CPQ: variants seen among roughly 807,000 people sequenced by gnomAD.
CPQ encodes Ser-Met dipeptidase.
A neutral mutation model predicts 45.7 loss-of-function variants in CPQ; 37 were observed. The observed-to-expected ratio is 0.81, with a 90% CI of 0.62 to 1.07. The LOEUF is 1.07. Ranked by LOEUF, CPQ falls within the 50% of genes least tolerant of loss-of-function variation. The pLI is 0.00. For missense variants in CPQ, 537 were observed against 572.9 expected (o/e 0.94, Z 0.64); for synonymous variants, 186 against 205.8 (o/e 0.90, Z 0.82).
chr8:96,952,966 A>G (rs1227954968), intron 4 of CPQ, among the ~76,000 whole-genome samples: 1 of 152,130 alleles, frequency 6.6e-6, no homozygotes, highest in Non-Finnish European at 1.5e-5. Context: ...GGAAGTTGTC[A>G]ATACAGCATA....
intron 1 of CPQ, among the ~76,000 whole-genome samples, chr8:96,737,334 AC>A (rs1809998226): frequency 8.3e-6 from 1 of 120,508 alleles, no homozygotes; most frequent in African/African-American, 2.7e-5. Flanking sequence ...ATATACACAC[AC>A]TCACACAGAA....
chr8:96,658,130 C>A, intron 1 of CPQ, among the ~76,000 whole-genome samples: 1 of 152,138 alleles, frequency 6.6e-6, no homozygotes, highest in Admixed American at 6.5e-5. Flanking sequence ...TAAAGAAAAT[C>A]AGGGACCAAA....
At chr8:96,682,880 G>A (rs1350702771) in intron 1 of CPQ, among the ~76,000 whole-genome samples, 1 of 152,108 alleles carries the variant, frequency 6.6e-6, no homozygotes, top group Non-Finnish European at 1.5e-5. Context: ...ATTGGGTCAT[G>A]CTTTTTATCC....
chr8:96,660,554 A>G (rs2130711621), intron 1 of CPQ, among the ~76,000 whole-genome samples: 1 of 152,292 alleles, frequency 6.6e-6, no homozygotes, highest in East Asian at 1.9e-4. Flanking sequence ...AGGAAGATTT[A>G]GAAAATACTG....
intron 5 of CPQ, among the ~76,000 whole-genome samples, chr8:96,970,385 T>C (rs1050207237): frequency 6.6e-6 from 1 of 152,164 alleles, no homozygotes; most frequent in African/African-American, 2.4e-5. Flanking sequence ...TGCTAAGCAC[T>C]CCACTGAGTA....
At chr8:96,731,619 A>G (rs1809914069) in intron 1 of CPQ, among the ~76,000 whole-genome samples, 1 of 152,150 alleles carries the variant, frequency 6.6e-6, no homozygotes, top group Non-Finnish European at 1.5e-5. Context: ...ATGCTCTATA[A>G]TTCAGATAAA....
intron 4 of CPQ, among the ~76,000 whole-genome samples, chr8:96,944,171 G>A (rs1813158934): frequency 6.6e-6 from 1 of 151,890 alleles, no homozygotes. Flanking sequence ...GATTGATATT[G>A]CTTAGTACTG....
At chr8:96,716,918 C>T (rs757738882) in intron 1 of CPQ, among the ~76,000 whole-genome samples, 1 of 150,510 alleles carries the variant, frequency 6.6e-6, no homozygotes, top group Non-Finnish European at 1.5e-5. Context: ...CACACACACA[C>T]ATACACACAC....
chr8:96,997,744 T>A (rs1034297228), intron 5 of CPQ, among the ~76,000 whole-genome samples: 2 of 152,010 alleles, frequency 1.3e-5, no homozygotes. Flanking sequence ...AGGCTTCCCA[T>A]GTGTGGGATT....
chr8:97,023,052 T>TATATATA (rs1809735142), intron 5 of CPQ, among the ~76,000 whole-genome samples: 1 of 139,448 alleles, frequency 7.2e-6, no homozygotes, highest in African/African-American at 2.7e-5. Flanking sequence ...GTATATATAC[T>TATATATA]GTATATATAG....
At chr8:96,939,183 T>C (rs1220547172) in intron 4 of CPQ, among the ~76,000 whole-genome samples, 3 of 152,208 alleles carry the variant, frequency 2.0e-5, no homozygotes, top group East Asian at 3.8e-4. Flanking sequence ...CCTTAGTCAA[T>C]CAAACTACTT....
intron 1 of CPQ, among the ~76,000 whole-genome samples, chr8:96,692,051 A>G (rs1308677427): frequency 6.6e-6 from 1 of 152,222 alleles, no homozygotes; most frequent in African/African-American, 2.4e-5. Flanking sequence ...GAAAACAGTA[A>G]GGTCTCTCTG....
chr8:96,847,218 T>C (rs1257279696), intron 3 of CPQ, among the ~76,000 whole-genome samples: 1 of 152,248 alleles, frequency 6.6e-6, no homozygotes, highest in African/African-American at 2.4e-5. Flanking sequence ...CTTGAGACTT[T>C]GTGAATCTTA....
intron 5 of CPQ, among the ~76,000 whole-genome samples, chr8:96,993,206 T>G (rs1276914777): frequency 6.6e-6 from 1 of 152,190 alleles, no homozygotes; most frequent in Non-Finnish European, 1.5e-5. Flanking sequence ...TGGAAACTGT[T>G]TTTAAGATAT....
intron 3 of CPQ, among the ~76,000 whole-genome samples, chr8:96,854,383 T>G (rs1811812749): frequency 6.7e-6 from 1 of 148,972 alleles, no homozygotes; most frequent in African/African-American, 2.5e-5. Flanking sequence ...TACAAAAAAT[T>G]AGCAGGGCGT....
chr8:96,890,582 C>T (rs1417560288), intron 4 of CPQ, among the ~76,000 whole-genome samples: 1 of 152,154 alleles, frequency 6.6e-6, no homozygotes, highest in Non-Finnish European at 1.5e-5. Flanking sequence ...TCTTCCTTAC[C>T]TCCATTATGG....
chr8:97,120,191 A>G (rs1811677312), intron 7 of CPQ, among the ~76,000 whole-genome samples: 1 of 152,188 alleles, frequency 6.6e-6, no homozygotes, highest in Non-Finnish European at 1.5e-5. Flanking sequence ...GCAGCTCTTC[A>G]TGTGGCTGAA....
intron 5 of CPQ, among the ~76,000 whole-genome samples, chr8:96,994,524 A>T (rs1267281240): frequency 6.6e-6 from 1 of 152,136 alleles, no homozygotes; most frequent in African/African-American, 2.4e-5. Flanking sequence ...CCTTGCATGA[A>T]TGAGTCTAAT....
At chr8:97,096,353 G>T (rs568320234) in intron 7 of CPQ, among the ~76,000 whole-genome samples, 10 of 152,240 alleles carry the variant, frequency 6.6e-5, no homozygotes, top group Admixed American at 6.5e-4. Flanking sequence ...AGCCTGGAAA[G>T]TCAATTCAAA....
Sources: gnomAD v4.1 joint callset for allele counts (sites outside exome capture counted in the v4.1 genomes callset) on GRCh38, gnomAD v4.1.1 for gene constraint, MANE v1.5 for transcripts, NCBI Gene and HGNC (gene_info 2026-07-23, HGNC 2026-07-21) for gene names.